IKBKE: variants seen among roughly 807,000 people sequenced by gnomAD.
IKBKE encodes inhibitor of nuclear factor kappa-B kinase subunit epsilon.
IKBKE carries 45 observed loss-of-function variants against 92.1 expected under a neutral mutation model. The observed-to-expected ratio is 0.49, with a 90% CI of 0.38 to 0.63. The LOEUF is 0.63. IKBKE is among the 20% of genes least tolerant of loss of function. The probability of loss-of-function intolerance (pLI) is 0.00; values close to 1 mark genes in which losing one functional copy is unlikely to be tolerated. For missense variants in IKBKE, 700 were observed against 932.8 expected, an observed-to-expected ratio of 0.75 and a Z score of 3.25; for synonymous variants, 374 against 380.3, an observed-to-expected ratio of 0.98 and a Z score of 0.19.
chr1:206,476,664 G>T lies in IKBKE; in HGVS notation c.541-14G>T, dbSNP rs782290841. 1 of 1,614,126 alleles carries T rather than the reference G, an allele frequency of 6.2e-7. No individual in the cohort carries two copies. The highest frequency in any genetic ancestry group is 1.3e-5 in the African/African-American group (1 of 75,060). On this transcript the variant is annotated splice_polypyrimidine_tract_variant and intron_variant, in intron 6 of 21. Coordinates refer to ENST00000581977, the MANE Select transcript of IKBKE (RefSeq NM_014002.4). This position sits in a 1 kb window ranked among gnomAD's most constrained non-coding sequence, Gnocchi z 5.1. ...CCTCCGGCTCCATGGCCTCATTCTG[G>T]TTCTCTCCGGCAGCATCCCGACATG... is the stretch of plus-strand genomic sequence containing the variant.
Position 206,473,183 on chromosome 1 carries a change from G to A in IKBKE, c.-32-13G>A. The A allele has an allele frequency of 2.0e-6, 3 of 1,497,810 alleles. No homozygotes were observed. Among genetic ancestry groups the A allele is most frequent in the South Asian group, 1.2e-5 (1 of 85,206 alleles). The allele number at this position is 1,497,810 out of a possible 1,614,324, so 92.8% of individuals were successfully genotyped here. Reference sequence around the variant, plus strand: ...GAATGGAATCCTGGGCCCCCAGCATGCTCTTTCTCTAGGCAGAAGGTGACC... The same window carrying A: ...GAATGGAATCCTGGGCCCCCAGCATACTCTTTCTCTAGGCAGAAGGTGACC... On this transcript the variant is annotated splice_polypyrimidine_tract_variant and intron_variant, in intron 2 of 21. Coordinates refer to ENST00000581977, the MANE Select transcript of IKBKE (RefSeq NM_014002.4).
intron 18 of IKBKE, chr1:206,492,286 G>C (rs935962098): frequency 5.3e-6 from 2 of 378,628 alleles, no homozygotes; most frequent in Admixed American, 3.6e-5. Flanking sequence ...CGCCTTCTCA[G>C]ATCAGGCCCA....
chr1:206,489,441 G>T (rs924082119), intron 16 of IKBKE, among the ~76,000 whole-genome samples: 1 of 148,860 alleles, frequency 6.7e-6, no homozygotes, highest in Admixed American at 6.7e-5. Flanking sequence ...AGTGGCTCAT[G>T]TCTGTAATCT....
At chr1:206,474,566 C>T in intron 4 of IKBKE, 95 bp downstream of exon 4, 1 of 1,311,930 alleles carries the variant, frequency 7.6e-7, no homozygotes, top group African/African-American at 1.5e-5. Context: ...TGGTCCCATG[C>T]TCATCAGCAG....
chr1:206,473,946 G>A (rs1208929006), intron 3 of IKBKE, among the ~76,000 whole-genome samples: 1 of 136,170 alleles, frequency 7.3e-6, no homozygotes, highest in African/African-American at 2.9e-5. Flanking sequence ...GGGTGACAGA[G>A]CGAGGCTCCG....
chr1:206,478,663 G>A lies in IKBKE; in HGVS notation c.993-280G>A, dbSNP rs562856778. On this transcript the variant is annotated intron_variant, in intron 9 of 21. Coordinates refer to ENST00000581977, the MANE Select transcript of IKBKE (RefSeq NM_014002.4). This position sits in a 1 kb window ranked among gnomAD's most constrained non-coding sequence, Gnocchi z 4.8. ...ATTCCTGGATAATTTTATAGAACTA[G>A]GTAAATTTTAATGGCAGTGTGACAG... Among the ~76,000 whole-genome samples the A allele has an allele frequency of 1.3e-5, 2 of 152,234 alleles. No homozygotes were observed. Among genetic ancestry groups the A allele is most frequent in the Non-Finnish European group, 2.9e-5 (2 of 68,010 alleles).
chr1:206,471,893 T>C (rs1664795362), intron 2 of IKBKE, among the ~76,000 whole-genome samples: 1 of 152,202 alleles, frequency 6.6e-6, no homozygotes, highest in Non-Finnish European at 1.5e-5. Context: ...AACCCTCAGT[T>C]TGAGAACCTG....
intron 18 of IKBKE, chr1:206,492,051 C>T: frequency 3.0e-6 from 1 of 336,346 alleles, no homozygotes. Context: ...TAGTAAGTGG[C>T]AGACCCAAGA....
rs2103476513 is a variant in IKBKE at position 206,487,645 on chromosome 1, T to C, written c.1617-269T>C. 6.6e-6 allele frequency among the ~76,000 whole-genome samples: 1 copy of C among 152,298 alleles called. No homozygotes were observed. Among genetic ancestry groups the C allele is most frequent in the East Asian group, 1.9e-4 (1 of 5,172 alleles). ...CTGTTGCCCGTCCTGCTTGGCTTCC[T>C]GTCTCTCTTATCTCCTACTTAACTC... On this transcript the variant is annotated intron_variant, in intron 15 of 21. Transcript: ENST00000581977. This position sits in a 1 kb window ranked among gnomAD's most constrained non-coding sequence, Gnocchi z 5.3.
At chr1:206,479,825 C>A in intron 10 of IKBKE, 45 bp from the exon 11 acceptor site, 1 of 1,597,294 alleles carries the variant, frequency 6.3e-7, no homozygotes, top group South Asian at 1.1e-5. Flanking sequence ...TAAGCCGACC[C>A]AGCACCATAC....
chr1:206,473,257 C>T lies in IKBKE; in HGVS notation c.30C>T (p.His10=). The change falls in exon 3 of 22, where the codon CAC becomes CAT. Residue 10 remains histidine, a synonymous_variant. Coordinates refer to ENST00000581977, the MANE Select transcript of IKBKE (RefSeq NM_014002.4). The stretch of plus-strand genomic sequence containing the variant: ...AGAGCACAGCCAATTACCTGTGGCA[C>T]ACAGATGACCTGCTGGGGCAGGGGG... MQSTANYLW[H]TDDLLGQGAT... The T allele has an allele frequency of 6.2e-7, 1 of 1,613,270 alleles. No homozygotes were observed. Among genetic ancestry groups the T allele is most frequent in the Non-Finnish European group, 8.5e-7 (1 of 1,179,708 alleles).
At chr1:206,480,146 G>T in intron 12 of IKBKE, 33 bp downstream of exon 12, 2 of 1,463,238 alleles carry the variant, frequency 1.4e-6, no homozygotes, top group African/African-American at 1.5e-5. Context: ...CACAGAGGGG[G>T]AGGCGGGCAG....
In IKBKE at chr1:206,476,833, G is replaced by T; in HGVS notation, c.696G>T (p.Glu232Asp). The T allele has an allele frequency of 6.2e-7, 1 of 1,614,208 alleles. No individual in the cohort carries two copies. The highest frequency in any genetic ancestry group is 8.5e-7 in the Non-Finnish European group (1 of 1,180,022). ...TTGGTGGGCCACGGCGGAACAAGGA[G>T]ATCATGTACGGTGGGCCACAGGGCA... Reference protein sequence around the residue: ...IPFGGPRRNKEIMYRITTEKP... With the variant: ...IPFGGPRRNKDIMYRITTEKP... The change falls in exon 7 of 22, where the codon GAG becomes GAT. Residue 232 changes from glutamate (E) to aspartate (D), a missense_variant. By Grantham distance (45) the Glu-to-Asp change is conservative. Coordinates refer to ENST00000581977, the MANE Select transcript of IKBKE (RefSeq NM_014002.4). The surrounding 1 kb of genome is among the most constrained non-coding windows in gnomAD (Gnocchi z 5.1).
chr1:206,493,354 C>T lies in IKBKE; in HGVS notation c.2021C>T (p.Pro674Leu). 1 of 1,613,966 alleles carries T rather than the reference C, an allele frequency of 6.2e-7. No individual in the cohort carries two copies. Among genetic ancestry groups the T allele is most frequent in the Non-Finnish European group, 8.5e-7 (1 of 1,179,880 alleles). Residue 674 changes from proline (P) to leucine (L), a missense_variant, in exon 20 of 22, where the codon CCT (proline) becomes CTT (leucine). Physicochemically the swap from Pro to Leu is moderately conservative, Grantham distance 98. Coordinates refer to ENST00000581977, the MANE Select transcript of IKBKE (RefSeq NM_014002.4). ...SPPPIAPYPS[P>L]TRKDLLLHMQ... Reference sequence around the variant, plus strand: ...CCTCCCATAGCTCCTTACCCCAGCCCTACACGAAAGGACCTGCTTCTCCAG... The same window carrying T: ...CCTCCCATAGCTCCTTACCCCAGCCTTACACGAAAGGACCTGCTTCTCCAG...
Position 206,480,143 on chromosome 1 carries a change from G to A in IKBKE, c.1340+30G>A, listed in dbSNP as rs545789610. ...GTAATCATGAGGGCTGGGCACAGAGGGGGAGGCGGGCAGGAGAGGGAGGCG... is the reference window on the plus strand; with the variant it reads ...GTAATCATGAGGGCTGGGCACAGAGAGGGAGGCGGGCAGGAGAGGGAGGCG... On this transcript the variant is annotated intron_variant, in intron 12 of 21. Coordinates refer to ENST00000581977, the MANE Select transcript of IKBKE (RefSeq NM_014002.4). The A allele has an allele frequency of 5.3e-6, 8 of 1,503,724 alleles. No individual in the cohort carries two copies. The Admixed American group carries it at 7.2e-5, about 13-fold the overall frequency. 93.1% of individuals were successfully genotyped at this position (1,503,724 alleles called of 1,614,324 possible). A position where few individuals can be genotyped will look rare whatever the true frequency, so the allele number is the denominator to read the frequency against.
intron 15 of IKBKE, among the ~76,000 whole-genome samples, chr1:206,486,418 C>A (rs1247589092): frequency 1.4e-5 from 2 of 139,998 alleles, no homozygotes; most frequent in Non-Finnish European, 3.4e-5. Context: ...GGCTGAGGAT[C>A]GAGGTCCTGT....
In IKBKE at chr1:206,493,312, G is replaced by C; in HGVS notation, c.1979G>C (p.Gly660Ala). Residue 660 changes from glycine (G) to alanine (A), a missense_variant, in exon 20 of 22, where the codon GGG becomes GCG. Gly to Ala is a moderately conservative substitution (Grantham distance 60, BLOSUM62 0). Transcript: ENST00000581977. ...CAGCTCCTTCAGGACCGAGCAAAGG[G>C]GGCTCAGGCCTCGCCGCCTCCCATA... ...SHQLLQDRAKGAQASPPPIAP... is the reference protein window; with the variant it reads ...SHQLLQDRAKAAQASPPPIAP... 1.2e-6 allele frequency: 2 copies of C among 1,614,086 alleles called. No individual in the cohort carries two copies. Among genetic ancestry groups the C allele is most frequent in the Non-Finnish European group, 1.7e-6 (2 of 1,180,034 alleles).
intron 13 of IKBKE, 70 bp downstream of exon 13, chr1:206,480,603 C>T: frequency 1.8e-6 from 2 of 1,091,304 alleles, no homozygotes; most frequent in Non-Finnish European, 1.3e-6. Flanking sequence ...CTAGATACTT[C>T]CAACAATGCA....
chr1:206,479,078 C>A lies in IKBKE; in HGVS notation c.1128C>A (p.Ser376Arg), dbSNP rs1665225837. 6.2e-7 allele frequency: 1 copy of A among 1,613,582 alleles called. No homozygotes were observed. The highest frequency in any genetic ancestry group is 1.3e-5 in the African/African-American group (1 of 75,044). ...AGCACATCGCCCACACGACGGCAAG[C>A]AGCCCCCTGACCCTCTTCAGCACAG... ...SAQHIAHTTA[S>R]SPLTLFSTAI... The change falls in exon 10 of 22, where the codon AGC (serine) becomes AGA (arginine). Residue 376 changes from serine to arginine, a missense_variant. Ser to Arg is a moderately radical substitution (Grantham distance 110). Transcript: ENST00000581977.
Sources: gnomAD v4.1 joint callset for allele counts (sites outside exome capture counted in the v4.1 genomes callset) on GRCh38, gnomAD v4.1.1 for gene constraint, Gnocchi (gnomAD v3.1) non-coding constraint, MANE v1.5 for transcripts, NCBI Gene and HGNC (gene_info 2026-07-23, HGNC 2026-07-21) for gene names.